Variants in SNX4 observed in about 807,000 individuals in gnomAD.
SNX4 encodes the protein sorting nexin 4, also known as sorting nexin-4.
Under a neutral mutation model 70.8 loss-of-function variants are expected in SNX4, and 49 were observed. The ratio of observed to expected loss-of-function variants is 0.69; its 90% CI spans 0.55 to 0.88. The LOEUF (loss-of-function observed/expected upper bound fraction) is 0.88, where lower values mean the gene tolerates loss of function less well. Ranked by LOEUF, SNX4 falls within the 40% of genes least tolerant of loss-of-function variation. The pLI is 0.00. For missense variants in SNX4, 528 were observed against 544.8 expected (o/e 0.97, Z 0.31); for synonymous variants, 206 against 183.8 (o/e 1.12, Z -0.98).
At position 125,457,297 on chromosome 3, in the gene SNX4, T is replaced by G; in HGVS notation, c.1013A>C (p.Lys338Thr). The change falls in exon 11 of 14, where the codon AAG (lysine) becomes ACG (threonine). Residue 338 changes from lysine (K) to threonine (T), a missense_variant. Coordinates refer to ENST00000251775, the MANE Select transcript of SNX4 (RefSeq NM_003794.4). Reference sequence around the variant, plus strand: ...TACCAGTTCCTCACACTGCTGCTTCTTGGATGCTAAGTCCTGAGCAGCCAT... The same window carrying G: ...TACCAGTTCCTCACACTGCTGCTTCGTGGATGCTAAGTCCTGAGCAGCCAT... ...LEMAAQDLAS[K>T]KQQCEELVTG... The G allele has an allele frequency of 6.2e-7, 1 of 1,614,058 alleles. No individual in the cohort carries two copies. The highest frequency in any genetic ancestry group is 8.5e-7 in the Non-Finnish European group (1 of 1,179,936).
At chr3:125,465,721 C>T (rs995266774) in intron 9 of SNX4, among the ~76,000 whole-genome samples, 2 of 151,586 alleles carry the variant, frequency 1.3e-5, no homozygotes, top group African/African-American at 4.9e-5. Context: ...CGGCTCACTG[C>T]AACCTCTGCC....
intron 11 of SNX4, 67 bp downstream of exon 11, chr3:125,457,199 G>C (rs879678414): frequency 9.1e-6 from 10 of 1,095,056 alleles, no homozygotes; most frequent in African/African-American, 1.5e-5. Context: ...CTCACTCAGA[G>C]TGAGTGCTTG....
At chr3:125,467,075 T>G (rs2107534879) in intron 9 of SNX4, among the ~76,000 whole-genome samples, 1 of 125,810 alleles carries the variant, frequency 7.9e-6, no homozygotes, top group Non-Finnish European at 1.6e-5. Flanking sequence ...AGAGTGAGAC[T>G]CTGTCTTCCA....
chr3:125,474,848 C>CG (rs1553726155), intron 8 of SNX4, among the ~76,000 whole-genome samples: 1 of 151,928 alleles, frequency 6.6e-6, no homozygotes, highest in Admixed American at 6.6e-5. Context: ...AATTCCCCCC[C>CG]ACATGTCTCC....
intron 11 of SNX4, among the ~76,000 whole-genome samples, chr3:125,454,357 T>C (rs574666123): frequency 7.9e-5 from 12 of 152,304 alleles, no homozygotes; most frequent in Admixed American, 5.9e-4. Flanking sequence ...ACGAACCCTA[T>C]TGTGAACTGC....
chr3:125,466,350 A>C (rs1559812348), intron 9 of SNX4, among the ~76,000 whole-genome samples: 1 of 151,916 alleles, frequency 6.6e-6, no homozygotes, highest in African/African-American at 2.4e-5. Flanking sequence ...TTAACAAAAA[A>C]AAAAAAAAGA....
chr3:125,503,648 C>A (rs1934979367), intron 2 of SNX4, among the ~76,000 whole-genome samples: 1 of 152,152 alleles, frequency 6.6e-6, no homozygotes, highest in Non-Finnish European at 1.5e-5. Context: ...TCCTAGAATT[C>A]TTTGTTAACC....
chr3:125,484,687 T>G (rs1175613175), intron 6 of SNX4, among the ~76,000 whole-genome samples: 2 of 152,064 alleles, frequency 1.3e-5, no homozygotes, highest in Non-Finnish European at 2.9e-5. Context: ...AATGCTTCTC[T>G]CCAATCTTAA....
At chr3:125,468,149 A>C (rs1934078776) in intron 9 of SNX4, among the ~76,000 whole-genome samples, 1 of 152,224 alleles carries the variant, frequency 6.6e-6, no homozygotes. Context: ...GGAACAAAAA[A>C]CCAAGTATCA....
At chr3:125,513,511 T>C (rs1445460750) in intron 1 of SNX4, among the ~76,000 whole-genome samples, 1 of 152,212 alleles carries the variant, frequency 6.6e-6, no homozygotes, top group Admixed American at 6.5e-5. Context: ...GTATTACTTT[T>C]CCGCCATTAT....
At chr3:125,450,967 G>A (rs1165485075) in intron 13 of SNX4, among the ~76,000 whole-genome samples, 1 of 152,132 alleles carries the variant, frequency 6.6e-6, no homozygotes, top group African/African-American at 2.4e-5. Context: ...GGGCATACTG[G>A]TTGTAACACC....
chr3:125,468,984 T>G (rs1934105062), intron 9 of SNX4, among the ~76,000 whole-genome samples: 1 of 152,238 alleles, frequency 6.6e-6, no homozygotes, highest in African/African-American at 2.4e-5. Context: ...GGCTCTTATT[T>G]AATTTTCTTG....
chr3:125,504,473 G>C, intron 2 of SNX4, 150 bp downstream of exon 2: 2 of 708,038 alleles, frequency 2.8e-6, no homozygotes, highest in Non-Finnish European at 4.5e-6. Flanking sequence ...AACAGAATGA[G>C]ACCCTGTCTC....
chr3:125,476,555 AAG>A, intron 8 of SNX4, 138 bp downstream of exon 8: 1 of 630,254 alleles, frequency 1.6e-6, no homozygotes, highest in Non-Finnish European at 2.8e-6. Context: ...GGTGACAAGA[AAG>A]AAACTCCATC....
At chr3:125,462,323 G>C (rs904220034) in intron 9 of SNX4, among the ~76,000 whole-genome samples, 1 of 151,918 alleles carries the variant, frequency 6.6e-6, no homozygotes, top group Non-Finnish European at 1.5e-5. Flanking sequence ...GAGAAAACTC[G>C]GTACTAAAGC....
chr3:125,492,436 C>T (rs1437667152), intron 5 of SNX4, among the ~76,000 whole-genome samples: 4 of 149,742 alleles, frequency 2.7e-5, no homozygotes, highest in Non-Finnish European at 5.9e-5. Context: ...TTTTTTTTTT[C>T]AAGACAGAGT....
At chr3:125,457,508 C>T (rs7634270) in intron 10 of SNX4, 143 bp from the exon 11 acceptor site, 5 of 636,260 alleles carry the variant, frequency 7.9e-6, no homozygotes, top group Non-Finnish European at 1.4e-5. Context: ...AATGTAGTAG[C>T]CCAACATTAA....
At chr3:125,481,445 A>G (rs898633387) in intron 6 of SNX4, among the ~76,000 whole-genome samples, 3 of 142,372 alleles carry the variant, frequency 2.1e-5, no homozygotes, top group Non-Finnish European at 4.6e-5. Flanking sequence ...AATTCCTGAA[A>G]TCTTTTTTTT....
At chr3:125,449,594 A>G (rs897400978) in intron 13 of SNX4, among the ~76,000 whole-genome samples, 2 of 152,196 alleles carry the variant, frequency 1.3e-5, no homozygotes, top group African/African-American at 4.8e-5. Flanking sequence ...GCATAGTACC[A>G]TTCTTGGGAA....
Sources: gnomAD v4.1 joint callset for allele counts (sites outside exome capture counted in the v4.1 genomes callset) on GRCh38, gnomAD v4.1.1 for gene constraint, MANE v1.5 for transcripts, NCBI Gene and HGNC (gene_info 2026-07-23, HGNC 2026-07-21) for gene names.